The following SUGCT variants were observed in gnomAD, a reference collection of about 807,000 sequenced individuals.
SUGCT encodes succinyl-CoA:glutarate-CoA transferase.
Under a neutral mutation model 55.0 loss-of-function variants are expected in SUGCT, and 41 were observed. The observed-to-expected ratio is 0.74, with a 90% CI of 0.58 to 0.97. SUGCT has a LOEUF of 0.97. SUGCT is among the 50% of genes least tolerant of loss of function. SUGCT has a pLI of 0.00. For synonymous variants in SUGCT, 187 were observed against 200.4 expected (o/e 0.93, Z 0.56); for missense variants, 568 against 547.8 (o/e 1.04, Z -0.37).
intron 10 of SUGCT, among the ~76,000 whole-genome samples, chr7:40,457,085 A>G (rs1393375539): frequency 1.3e-5 from 2 of 150,682 alleles, no homozygotes; most frequent in African/African-American, 4.9e-5. Context: ...GTTTTTGCCA[A>G]TGTCTCTTCA....
chr7:41,027,081 C>T, the SUGCT span, among the ~76,000 whole-genome samples: 2 of 152,170 alleles, frequency 1.3e-5, no homozygotes, highest in Non-Finnish European at 1.5e-5. Context: ...ACAAAAACAT[C>T]TTTCTAGATG....
intron 13 of SUGCT, among the ~76,000 whole-genome samples, chr7:40,772,550 CTA>C (rs1562994179): frequency 3.4e-5 from 5 of 145,746 alleles, no homozygotes; most frequent in Admixed American, 6.9e-5. Context: ...ATCTATCTAT[CTA>C]TCTATCTATC....
intron 9 of SUGCT, among the ~76,000 whole-genome samples, chr7:40,355,148 C>G (rs1419032848): frequency 1.3e-5 from 2 of 152,170 alleles, no homozygotes; most frequent in African/African-American, 2.4e-5. Flanking sequence ...CTCTTCGTTA[C>G]TGATAGTGGT....
chr7:40,780,231 G>A (rs1372311073), intron 13 of SUGCT, among the ~76,000 whole-genome samples: 1 of 152,102 alleles, frequency 6.6e-6, no homozygotes, highest in Admixed American at 6.6e-5. Context: ...GAAATGTGGA[G>A]CTCTTTAACT....
rs1794681898 is a variant in SUGCT, at chr7:40,303,792, G to A, written c.721-12968G>A. Among the ~76,000 whole-genome samples the A allele has an allele frequency of 2.0e-5, 3 of 152,152 alleles. No homozygotes were observed. The South Asian group carries it at 6.2e-4, about 32-fold the overall frequency. The stretch of plus-strand genomic sequence containing the variant: ...ATCGTTTTGTGCCACCTCTCTCCCC[G>A]TTTTGGAGGGGATAATACATTATTG... On this transcript the variant is annotated intron_variant, in intron 8 of 13. Transcript: ENST00000335693.
chr7:40,308,067 G>C (rs1342635047), intron 8 of SUGCT, among the ~76,000 whole-genome samples: 2 of 152,122 alleles, frequency 1.3e-5, no homozygotes, highest in African/African-American at 4.8e-5. Flanking sequence ...GCAGAAGGAT[G>C]TGAGAATTTA....
chr7:40,463,639 G>T (rs995551576), intron 11 of SUGCT, among the ~76,000 whole-genome samples: 3 of 152,136 alleles, frequency 2.0e-5, no homozygotes, highest in Non-Finnish European at 4.4e-5. Flanking sequence ...ACTCAGGACG[G>T]CAGCTGCCTG....
At chr7:40,393,430 C>G (rs1785549094) in intron 9 of SUGCT, among the ~76,000 whole-genome samples, 1 of 152,172 alleles carries the variant, frequency 6.6e-6, no homozygotes, top group African/African-American at 2.4e-5. Flanking sequence ...ATGATCTTGA[C>G]AGAAGCCGTG....
At chr7:40,338,748 C>T (rs1796867136) in intron 9 of SUGCT, among the ~76,000 whole-genome samples, 1 of 152,222 alleles carries the variant, frequency 6.6e-6, no homozygotes, top group African/African-American at 2.4e-5. Context: ...CCTCTCAACT[C>T]GTCAAAGTCA....
chr7:40,184,873 A>G, intron 3 of SUGCT, among the ~76,000 whole-genome samples: 1 of 152,166 alleles, frequency 6.6e-6, no homozygotes, highest in Admixed American at 6.6e-5. Context: ...CTTCTTTTTT[A>G]AAAAATTTTA....
At chr7:40,758,510 A>T (rs1788369135) in intron 13 of SUGCT, among the ~76,000 whole-genome samples, 1 of 152,150 alleles carries the variant, frequency 6.6e-6, no homozygotes, top group Admixed American at 6.6e-5. Context: ...CAGATACCTT[A>T]CTATAATCAA....
chr7:40,673,675 G>A (rs546059991), intron 12 of SUGCT, among the ~76,000 whole-genome samples: 1 of 152,282 alleles, frequency 6.6e-6, no homozygotes, highest in African/African-American at 2.4e-5. Flanking sequence ...AATGGAGGCT[G>A]TACAATTCAT....
At chr7:40,932,329 G>A in the SUGCT span, among the ~76,000 whole-genome samples, 1 of 152,162 alleles carries the variant, frequency 6.6e-6, no homozygotes, top group East Asian at 1.9e-4. Flanking sequence ...TTGCTGAGGA[G>A]TGCTTTACTT....
At chr7:40,324,244 A>ATATATATATATATATATATATAT (rs1562681042) in intron 9 of SUGCT, among the ~76,000 whole-genome samples, 24 of 98,420 alleles carry the variant, frequency 2.4e-4, no homozygotes, top group African/African-American at 1.0e-3. Flanking sequence ...TAAATAAATA[A>ATATATATATATATATATATATAT]ATAAATAAAT....
At chr7:40,700,584 G>A (rs931620677) in intron 12 of SUGCT, among the ~76,000 whole-genome samples, 14 of 152,202 alleles carry the variant, frequency 9.2e-5, no homozygotes, top group African/African-American at 3.4e-4. Flanking sequence ...ATTGACAAAT[G>A]TCAGAGGAAA....
chr7:40,994,844 C>T, the SUGCT span, among the ~76,000 whole-genome samples: 24 of 152,220 alleles, frequency 1.6e-4, no homozygotes, highest in Middle Eastern at 3.4e-3. Context: ...TAAAAGAGCA[C>T]GCACTTCCTG....
chr7:41,038,357 G>A, the SUGCT span, among the ~76,000 whole-genome samples: 3 of 152,242 alleles, frequency 2.0e-5, no homozygotes, highest in Admixed American at 2.0e-4. Context: ...AGCAAACAGA[G>A]GCCTTGAGAA....
intron 13 of SUGCT, among the ~76,000 whole-genome samples, chr7:40,853,387 CAG>C (rs1425320574): frequency 1.3e-5 from 2 of 151,994 alleles, no homozygotes; most frequent in African/African-American, 2.4e-5. Context: ...GTTTTTGAGA[CAG>C]AGTCTCACTC....
At chr7:40,143,947 A>T (rs1372857521) in intron 1 of SUGCT, among the ~76,000 whole-genome samples, 3 of 152,222 alleles carry the variant, frequency 2.0e-5, no homozygotes, top group Non-Finnish European at 4.4e-5. Context: ...GCTGACCCCC[A>T]GTTGGGGGTT....
Sources: allele counts gnomAD v4.1 joint callset (sites outside exome capture counted in the v4.1 genomes callset), GRCh38; gene constraint gnomAD v4.1.1; transcripts MANE v1.5; gene names NCBI Gene and HGNC (gene_info 2026-07-23, HGNC 2026-07-21).